The following SYNPO2 variants were observed in gnomAD, a reference collection of about 807,000 sequenced individuals.
SYNPO2 encodes the protein synaptopodin-2.
SYNPO2 carries 56 observed loss-of-function variants against 85.0 expected under a neutral mutation model. The ratio of observed to expected loss-of-function variants is 0.66; its 90% confidence interval spans 0.53 to 0.82. SYNPO2 has a LOEUF of 0.82. Ranked by LOEUF, SYNPO2 falls within the 40% of genes least tolerant of loss-of-function variation. The probability of loss-of-function intolerance (pLI) is 0.00; values close to 1 mark genes in which losing one functional copy is unlikely to be tolerated. For missense variants in SYNPO2, 1,575 were observed against 1,534.2 expected, an observed-to-expected ratio of 1.03 and a Z score of -0.44; for synonymous variants, 602 against 591.1, an observed-to-expected ratio of 1.02 and a Z score of -0.27.
At chr4:119,032,620 G>A in intron 4 of SYNPO2, 1 of 989,350 alleles carries the variant, frequency 1.0e-6, no homozygotes, top group Non-Finnish European at 1.2e-6. Flanking sequence ...ATATAGTTTA[G>A]TAAGAAGTGG....
intron 1 of SYNPO2, among the ~76,000 whole-genome samples, chr4:118,862,371 C>T (rs1379472360): frequency 1.3e-5 from 2 of 152,208 alleles, no homozygotes; most frequent in Admixed American, 1.3e-4. Context: ...TGTTGAATAA[C>T]AGTGGTGACA....
rs756886095 is a variant in SYNPO2 at position 119,031,308 on chromosome 4, A to G, written c.2533A>G (p.Thr845Ala). Residue 845 changes from threonine (T) to alanine (A), a missense_variant, in exon 4 of 5, where the codon ACA becomes GCA. By Grantham distance (58) the Thr-to-Ala change is moderately conservative. Around this residue, in one of 3 missense-constraint regions of SYNPO2, gnomAD observed 1,508 missense variants for 1,446.8 expected, o/e 1.04. Coordinates refer to ENST00000307142, the MANE Select transcript of SYNPO2 (RefSeq NM_133477.3). ...CAGTCAGAATTACACACCCAAACCA[A>G]CAGTTTCCACACCAACAGTCAATGC... Reference protein sequence around the residue: ...VASQNYTPKPTVSTPTVNAVQ... With the variant: ...VASQNYTPKPAVSTPTVNAVQ... The G allele has an allele frequency of 6.2e-6, 10 of 1,613,954 alleles. No individual in the cohort carries two copies. Among genetic ancestry groups the G allele is most frequent in the Admixed American group, 1.7e-5 (1 of 59,994 alleles).
intron 1 of SYNPO2, among the ~76,000 whole-genome samples, chr4:118,929,544 T>C (rs183201287): frequency 3.4e-4 from 52 of 152,318 alleles, no homozygotes; most frequent in African/African-American, 1.2e-3. Context: ...TAGTTTTTAA[T>C]AGAAGAACTT....
chr4:118,990,103 T>C (rs546558475), intron 1 of SYNPO2, among the ~76,000 whole-genome samples: 2 of 152,354 alleles, frequency 1.3e-5, no homozygotes, highest in South Asian at 4.1e-4. Flanking sequence ...ATACAGGTTT[T>C]GTGATCTATT....
intron 1 of SYNPO2, among the ~76,000 whole-genome samples, chr4:118,897,265 G>C (rs980899709): frequency 1.3e-5 from 2 of 152,092 alleles, no homozygotes; most frequent in Non-Finnish European, 2.9e-5. Flanking sequence ...CATGAGAACA[G>C]CATGGGGGAA....
chr4:118,879,218 C>G (rs994149858), intron 1 of SYNPO2, among the ~76,000 whole-genome samples: 8 of 152,194 alleles, frequency 5.3e-5, no homozygotes, highest in Non-Finnish European at 2.9e-5. Flanking sequence ...CGATAAGGGT[C>G]CGTGGCTTCA....
chr4:118,974,742 T>C (rs1431631798), intron 1 of SYNPO2, among the ~76,000 whole-genome samples: 1 of 152,216 alleles, frequency 6.6e-6, no homozygotes. Flanking sequence ...ATTAGGACTT[T>C]AGATTCATCC....
chr4:118,862,806 T>C lies in SYNPO2; in HGVS notation c.12+11866T>C, dbSNP rs531528340. Reference sequence around the variant, plus strand: ...TAGTTTTCTTTTCTTTCTTTCTTTCTTTTTTTTTTCTTTTGCTTTTTTGAA... The same window carrying C: ...TAGTTTTCTTTTCTTTCTTTCTTTCCTTTTTTTTTCTTTTGCTTTTTTGAA... On this transcript the variant is annotated intron_variant, in intron 1 of 4. Coordinates refer to the SYNPO2 transcript ENST00000610556. Among the ~76,000 whole-genome samples, 193 of 148,594 alleles carry C rather than the reference T, an allele frequency of 1.3e-3. 1 individual carries two copies. Among genetic ancestry groups the C allele is most frequent in the Middle Eastern group, 0.01 (3 of 290 alleles).
chr4:119,030,734 C>T lies in SYNPO2; in HGVS notation c.1959C>T (p.Ala653=). The change falls in exon 4 of 5, where the codon GCC becomes GCT. Residue 653 remains alanine, a synonymous_variant. Transcript: ENST00000307142. ...PAQPPPWPQP[A]PWSQPAFYDS... The stretch of plus-strand genomic sequence containing the variant: ...AGCCCCCTCCATGGCCCCAGCCTGC[C>T]CCGTGGTCCCAGCCAGCCTTTTACG... The T allele has an allele frequency of 1.9e-6, 3 of 1,614,188 alleles. No homozygotes were observed. The highest frequency in any genetic ancestry group is 2.5e-6 in the Non-Finnish European group (3 of 1,180,042).
chr4:118,927,496 C>G (rs527907753), intron 1 of SYNPO2, among the ~76,000 whole-genome samples: 2 of 152,160 alleles, frequency 1.3e-5, no homozygotes, highest in East Asian at 3.9e-4. Flanking sequence ...GAGTCTAAAG[C>G]GCAAGTCCTC....
At chr4:118,903,439 C>A (rs1429593229) in intron 1 of SYNPO2, among the ~76,000 whole-genome samples, 1 of 151,950 alleles carries the variant, frequency 6.6e-6, no homozygotes, top group East Asian at 1.9e-4. Flanking sequence ...TTTATTTATT[C>A]AAAAATTAAG....
intron 1 of SYNPO2, among the ~76,000 whole-genome samples, chr4:118,964,391 G>A (rs528954511): frequency 1.3e-5 from 2 of 152,080 alleles, no homozygotes; most frequent in East Asian, 1.9e-4. Flanking sequence ...TTGGGAGGCT[G>A]AGGTGGGAGG....
chr4:118,982,748 T>C (rs374492033), intron 1 of SYNPO2, among the ~76,000 whole-genome samples: 5 of 152,222 alleles, frequency 3.3e-5, no homozygotes, highest in African/African-American at 1.2e-4. Context: ...AGACCAATCA[T>C]TGATTTCCAG....
intron 3 of SYNPO2, among the ~76,000 whole-genome samples, chr4:119,028,773 AT>A (rs5861407): frequency 0.21 from 31,253 of 151,710 alleles, 3,711 homozygotes; most frequent in East Asian, 0.43. Flanking sequence ...ATAGTCAAAA[AT>A]TTTTTCTTAA....
intron 1 of SYNPO2, among the ~76,000 whole-genome samples, chr4:118,955,879 A>G (rs1293883261): frequency 1.3e-5 from 2 of 152,192 alleles, no homozygotes; most frequent in African/African-American, 4.8e-5. Flanking sequence ...GAAATAAAGG[A>G]TAACAAAAAG....
intron 1 of SYNPO2, among the ~76,000 whole-genome samples, chr4:118,980,700 A>G (rs960696535): frequency 3.3e-5 from 5 of 152,212 alleles, no homozygotes; most frequent in African/African-American, 1.2e-4. Context: ...TAGCTGGAAA[A>G]GAAGCACATA....
chr4:118,852,690 G>A (rs1435258927), intron 1 of SYNPO2, among the ~76,000 whole-genome samples: 1 of 152,102 alleles, frequency 6.6e-6, no homozygotes, highest in Non-Finnish European at 1.5e-5. Flanking sequence ...ACACATAGAG[G>A]GGAACAACAC....
intron 1 of SYNPO2, among the ~76,000 whole-genome samples, chr4:118,912,958 C>A (rs1733191017): frequency 6.6e-6 from 1 of 152,072 alleles, no homozygotes; most frequent in South Asian, 2.1e-4. Flanking sequence ...GGTCTATGAC[C>A]ATTAGAAGAG....
intron 1 of SYNPO2, among the ~76,000 whole-genome samples, chr4:119,008,826 T>A (rs977718644): frequency 3.3e-5 from 5 of 152,156 alleles, no homozygotes; most frequent in African/African-American, 1.2e-4. Context: ...ATTTAATTGC[T>A]CCATTTCCTT....
Sources: gnomAD v4.1 joint callset for allele counts (sites outside exome capture counted in the v4.1 genomes callset) on GRCh38, gnomAD v4.1.1 for gene constraint, gnomAD v4.1.1 regional missense constraint, MANE v1.5 for transcripts, NCBI Gene and HGNC (gene_info 2026-07-23, HGNC 2026-07-21) for gene names.